ITGB6: variants seen among roughly 807,000 people sequenced by gnomAD.
ITGB6 encodes integrin beta-6.
ITGB6 carries 80 observed loss-of-function variants against 84.5 expected under a neutral mutation model. The observed-to-expected ratio is 0.95, with a 90% CI of 0.79 to 1.14. The LOEUF (loss-of-function observed/expected upper bound fraction) is 1.14. Among genes scored for constraint, ITGB6 ranks in the 50% most tolerant of loss-of-function variants. The probability of loss-of-function intolerance (pLI) is 0.00; values close to 1 mark genes in which losing one functional copy is unlikely to be tolerated. For synonymous variants in ITGB6, 383 were observed against 354.9 expected, an observed-to-expected ratio of 1.08 and a Z score of -0.89; for missense variants, 1,006 against 968.0, an observed-to-expected ratio of 1.04 and a Z score of -0.52.
Position 160,160,538 on chromosome 2 carries a change from T to C in ITGB6, c.1017+8674A>G, listed in dbSNP as rs376815103. On this transcript the variant is annotated intron_variant, in intron 7 of 14. Coordinates refer to ENST00000283249, the MANE Select transcript of ITGB6 (RefSeq NM_000888.5). ...GCCAAGACAACAAAATGTTAAACTA[T>C]GTTATCATTAATACTAGTCCCTTGG... 8.6e-4 allele frequency among the ~76,000 whole-genome samples: 131 copies of C among 152,376 alleles called. 1 individual carries two copies. The South Asian group carries it at 0.025, about 29-fold the overall frequency.
At chr2:160,193,202 A>G (rs1686207699) in intron 4 of ITGB6, among the ~76,000 whole-genome samples, 2 of 152,320 alleles carry the variant, frequency 1.3e-5, no homozygotes, top group Middle Eastern at 3.4e-3. Flanking sequence ...CAGCCTTTTC[A>G]TAATAGCTCC....
intron 10 of ITGB6, among the ~76,000 whole-genome samples, chr2:160,135,892 C>G (rs1360660345): frequency 6.6e-6 from 1 of 152,134 alleles, no homozygotes; most frequent in African/African-American, 2.4e-5. Flanking sequence ...ACACCTTATA[C>G]TAAAATTAAT....
intron 7 of ITGB6, among the ~76,000 whole-genome samples, chr2:160,154,611 C>G (rs552495032): frequency 6.6e-6 from 1 of 151,790 alleles, no homozygotes; most frequent in East Asian, 1.9e-4. Flanking sequence ...TATGTCCACA[C>G]AAAAACGTGT....
chr2:160,172,656 C>T lies in ITGB6; in HGVS notation c.834G>A (p.Met278Ile), dbSNP rs1300871316. The part of the protein sequence containing the change: ...FVSDADSHFG[M>I]DSKLAGIVIP... ...TGACGATGCCTGCTAGTTTGCTGTC[C>T]ATTCCAAAATGAGAATCAGCATCAC... Residue 278 changes from methionine to isoleucine, a missense_variant, in exon 6 of 15, where the codon ATG (methionine) becomes ATA (isoleucine). Met to Ile is a conservative substitution (Grantham distance 10). Transcript: ENST00000283249. 1 of 1,611,962 alleles carries T rather than the reference C, an allele frequency of 6.2e-7. No homozygotes were observed. The highest frequency in any genetic ancestry group is 1.1e-5 in the South Asian group (1 of 90,960).
intron 12 of ITGB6, among the ~76,000 whole-genome samples, chr2:160,117,002 A>G (rs1365986866): frequency 6.6e-6 from 1 of 151,326 alleles, no homozygotes; most frequent in Admixed American, 6.6e-5. Flanking sequence ...AGGAGCACCC[A>G]GATTCATAAA....
chr2:160,117,196 A>G (rs1574045845), intron 12 of ITGB6, among the ~76,000 whole-genome samples: 1 of 152,242 alleles, frequency 6.6e-6, no homozygotes, highest in East Asian at 1.9e-4. Context: ...TCCACCCCAA[A>G]TCAACAGAAT....
At chr2:160,126,230 G>A (rs1683235490) in intron 11 of ITGB6, 149 bp downstream of exon 11, 1 of 660,676 alleles carries the variant, frequency 1.5e-6, no homozygotes, top group Admixed American at 2.7e-5. Flanking sequence ...GAAGATCACA[G>A]AGGCCCTGTG....
At chr2:160,138,041 A>G in intron 9 of ITGB6, 24 bp downstream of exon 9, 1 of 1,599,106 alleles carries the variant, frequency 6.3e-7, no homozygotes, top group Non-Finnish European at 8.5e-7. Context: ...ATTTATTCAG[A>G]CTATCTACTG....
intron 7 of ITGB6, among the ~76,000 whole-genome samples, chr2:160,153,874 C>T (rs1239569293): frequency 6.6e-6 from 1 of 152,114 alleles, no homozygotes; most frequent in Non-Finnish European, 1.5e-5. Flanking sequence ...AAATCAAAAC[C>T]ACAATGAGAT....
intron 4 of ITGB6, among the ~76,000 whole-genome samples, chr2:160,191,571 T>C (rs1487712984): frequency 6.6e-6 from 1 of 152,182 alleles, no homozygotes; most frequent in African/African-American, 2.4e-5. Context: ...ACATACTTAA[T>C]GGTAAAACAC....
At chr2:160,193,171 C>T (rs964341714) in intron 4 of ITGB6, among the ~76,000 whole-genome samples, 3 of 152,182 alleles carry the variant, frequency 2.0e-5, no homozygotes, top group African/African-American at 7.2e-5. Flanking sequence ...TATACAAAGA[C>T]TTCTACGCAA....
At chr2:160,157,749 A>G (rs1440733656) in intron 7 of ITGB6, among the ~76,000 whole-genome samples, 1 of 25,788 alleles carries the variant, frequency 3.9e-5, no homozygotes, top group African/African-American at 1.4e-4. Flanking sequence ...GCACAGAGGC[A>G]AAAAAAAAAA....
At chr2:160,144,821 G>A (rs1202425006) in intron 7 of ITGB6, among the ~76,000 whole-genome samples, 1 of 152,174 alleles carries the variant, frequency 6.6e-6, no homozygotes, top group African/African-American at 2.4e-5. Flanking sequence ...AGGACAAGTG[G>A]TTACCATTAA....
chr2:160,129,834 CCAAA>C (rs755396986), intron 10 of ITGB6, among the ~76,000 whole-genome samples: 1 of 151,896 alleles, frequency 6.6e-6, no homozygotes, highest in Non-Finnish European at 1.5e-5. Flanking sequence ...TCAAAAATCA[CCAAA>C]CAAAGATGAT....
intron 7 of ITGB6, among the ~76,000 whole-genome samples, chr2:160,154,916 G>A (rs938815884): frequency 2.0e-5 from 3 of 152,234 alleles, no homozygotes. Context: ...CAATGTTGGA[G>A]AAGGGGCCTG....
intron 12 of ITGB6, among the ~76,000 whole-genome samples, chr2:160,119,877 A>G (rs528841959): frequency 3.9e-5 from 6 of 152,372 alleles, no homozygotes; most frequent in Admixed American, 2.6e-4. Context: ...GACACTTGTC[A>G]AAAGAAGACA....
chr2:160,135,585 C>T (rs1417405556), intron 10 of ITGB6, among the ~76,000 whole-genome samples: 13 of 151,702 alleles, frequency 8.6e-5, no homozygotes, highest in African/African-American at 1.2e-4. Flanking sequence ...AAAAAGAGCC[C>T]ACATTGCCAA....
At chr2:160,141,949 T>C (rs752684912) in intron 8 of ITGB6, 33 bp downstream of exon 8, 1 of 1,353,736 alleles carries the variant, frequency 7.4e-7, no homozygotes, top group South Asian at 1.2e-5. Context: ...ACCAAAGAAA[T>C]GCAAAAAAGA....
Position 160,174,152 on chromosome 2 carries a change from G to A in ITGB6, c.594-13C>T, listed in dbSNP as rs765075290. The stretch of plus-strand genomic sequence containing the variant: ...GTATGGAATACTACTGCAAAAGTAA[G>A]ATGCAAAAATACTGTTGATGAAATA... On this transcript the variant is annotated splice_polypyrimidine_tract_variant and intron_variant, in intron 4 of 14. Transcript: ENST00000283249. The A allele has an allele frequency of 6.3e-7, 1 of 1,578,774 alleles. No homozygotes were observed. The highest frequency in any genetic ancestry group is 8.6e-7 in the Non-Finnish European group (1 of 1,161,330).
Sources: gnomAD v4.1 joint callset for allele counts (sites outside exome capture counted in the v4.1 genomes callset) on GRCh38, gnomAD v4.1.1 for gene constraint, MANE v1.5 for transcripts, NCBI Gene and HGNC (gene_info 2026-07-23, HGNC 2026-07-21) for gene names.